Variants in EIF4ENIF1 observed in about 807,000 individuals in gnomAD.
EIF4ENIF1 encodes eukaryotic translation initiation factor 4E nuclear import factor 1.
A neutral mutation model predicts 110.5 loss-of-function variants in EIF4ENIF1; 23 were observed. The ratio of observed to expected loss-of-function variants is 0.21; its 90% CI spans 0.15 to 0.29. The LOEUF (loss-of-function observed/expected upper bound fraction) is 0.29. Among genes scored for constraint, EIF4ENIF1 ranks in the 10% least tolerant of loss-of-function variants. The probability of loss-of-function intolerance (pLI) is 1.00; values close to 1 mark genes in which losing one functional copy is unlikely to be tolerated. For synonymous variants in EIF4ENIF1, 440 were observed against 437.0 expected (o/e 1.01, Z -0.09); for missense variants, 1,031 against 1,221.1 (o/e 0.84, Z 2.32).
At chr22:31,450,841 T>TAACACACACACAC (rs1196724433) in intron 10 of EIF4ENIF1, 2 of 80,212 alleles carry the variant, frequency 2.5e-5, no homozygotes, top group South Asian at 2.6e-4. Context: ...CATATATATA[T>TAACACACACACAC]ACTACACACA....
At position 31,439,798 on chromosome 22, in the gene EIF4ENIF1, C is replaced by A; in HGVS notation, c.*82G>T. Reference sequence around the variant, plus strand: ...ACACAGAGTGCTCCAAAGTAAAAGCCCATAAACCAACCCGAGATGAAGCAG... The same window carrying A: ...ACACAGAGTGCTCCAAAGTAAAAGCACATAAACCAACCCGAGATGAAGCAG... On this transcript the variant is annotated 3_prime_UTR_variant, in exon 19 of 19. Coordinates refer to ENST00000330125, the MANE Select transcript of EIF4ENIF1 (RefSeq NM_019843.4). The A allele has an allele frequency of 6.4e-7, 1 of 1,559,906 alleles. No individual in the cohort carries two copies. The highest frequency in any genetic ancestry group is 2.2e-5 in the East Asian group (1 of 44,648).
At chr22:31,450,438 G>T (rs1432168002) in intron 10 of EIF4ENIF1, 78 bp from the exon 11 acceptor site, 1 of 1,173,328 alleles carries the variant, frequency 8.5e-7, no homozygotes, top group East Asian at 2.4e-5. Context: ...CCACAAGAAA[G>T]CATAAAATAC....
intron 15 of EIF4ENIF1, chr22:31,443,378 GA>G (rs1471737227): frequency 1.4e-5 from 4 of 288,832 alleles, no homozygotes; most frequent in African/African-American, 8.8e-5. Context: ...GCAAGAGAAA[GA>G]ACATGGCCAG....
chr22:31,448,166 G>C lies in EIF4ENIF1; in HGVS notation c.1835C>G (p.Pro612Arg), dbSNP rs1184797614. The C allele has an allele frequency of 6.2e-7, 1 of 1,614,022 alleles. No individual in the cohort carries two copies. Among genetic ancestry groups the C allele is most frequent in the Non-Finnish European group, 8.5e-7 (1 of 1,180,010 alleles). The part of the protein sequence containing the change: ...PFQGMRKPMS[P>R]ITAQMSQLEL... ...GCTCAGCCTGACCTGGGCTGTGATG[G>C]GGCTCATGGGTTTGCGCATGCCTTG... The change falls in exon 13 of 19, where the codon CCC (proline) becomes CGC (arginine). Residue 612 changes from proline (P) to arginine (R), a missense_variant. By Grantham distance (103) the Pro-to-Arg change is moderately radical. Transcript: ENST00000330125.
At position 31,441,854 on chromosome 22, in the gene EIF4ENIF1, T is replaced by G. The variant is rs1273489678; in HGVS notation, c.2471A>C (p.His824Pro). Residue 824 changes from histidine to proline, a missense_variant, in exon 17 of 19, where the codon CAC becomes CCC. His to Pro is a moderately conservative substitution (Grantham distance 77, BLOSUM62 -2). Around this residue, in one of 3 missense-constraint regions of EIF4ENIF1, gnomAD observed 309 missense variants for 299.1 expected, o/e 1.03. Coordinates refer to ENST00000330125, the MANE Select transcript of EIF4ENIF1 (RefSeq NM_019843.4). ...VPHVPMVRPA[H>P]QLHPGLVQRM... ...CTGTACCAACCCTGGGTGAAGCTGG[T>G]GAGCAGGCCTAACCATAGGGACATG... The G allele has an allele frequency of 6.2e-7, 1 of 1,614,112 alleles. No individual in the cohort carries two copies. The highest frequency in any genetic ancestry group is 8.5e-7 in the Non-Finnish European group (1 of 1,180,002).
At chr22:31,437,109 T>G (rs183717332), downstream of EIF4ENIF1, 2 of 152,334 alleles carry the variant, frequency 1.3e-5, no homozygotes, top group South Asian at 2.1e-4. Flanking sequence ...CTCTGTTCAC[T>G]TCATTCCCAC....
downstream of EIF4ENIF1, among the ~76,000 whole-genome samples, chr22:31,438,621 G>GCTAT (rs748690598): frequency 6.6e-5 from 10 of 152,160 alleles, no homozygotes; most frequent in Non-Finnish European, 1.2e-4. Context: ...ACAAGGCTAT[G>GCTAT]CTATCTATAG....
At chr22:31,441,722 T>C (rs1329438814) in intron 17 of EIF4ENIF1, 52 bp downstream of exon 17, 3 of 1,453,560 alleles carry the variant, frequency 2.1e-6, no homozygotes, top group Admixed American at 4.1e-5. Flanking sequence ...GTGCCAACAA[T>C]TGTCCCCTAG....
chr22:31,468,433 C>T lies in EIF4ENIF1; in HGVS notation c.171-131G>A, dbSNP rs111578139. 3.0e-3 allele frequency: 3,916 copies of T among 1,324,790 alleles called. 104 individuals carry two copies. The African/African-American group carries it at 0.049, about 17-fold the overall frequency. 82.1% of individuals were successfully genotyped at this position (1,324,790 alleles called of 1,614,324 possible). ...TTTTTGAGACAGGGTCTCGCTCTGT[C>T]GCCCAGGATGGAGCGCAGTGGCGTG... On this transcript the variant is annotated intron_variant, in intron 3 of 18. Coordinates refer to ENST00000330125, the MANE Select transcript of EIF4ENIF1 (RefSeq NM_019843.4).
intron 9 of EIF4ENIF1, 162 bp from the exon 10 acceptor site, chr22:31,454,538 C>G (rs1569077084): frequency 6.2e-6 from 4 of 640,832 alleles, no homozygotes; most frequent in Non-Finnish European, 8.0e-6. Context: ...CACTTAAAAT[C>G]AAATTGTGTA....
chr22:31,491,187 A>G (rs951636339), upstream of EIF4ENIF1, among the ~76,000 whole-genome samples: 10 of 152,192 alleles, frequency 6.6e-5, no homozygotes, highest in Non-Finnish European at 1.0e-4. Context: ...GGGGCAGTTA[A>G]GATTAAACAG....
Position 31,488,647 on chromosome 22 carries a change from G to C in EIF4ENIF1, c.72C>G (p.Ser24=), listed in dbSNP as rs183076809. The change falls in exon 2 of 19, where the codon TCC becomes TCG. Residue 24 remains serine, a synonymous_variant. Transcript: ENST00000330125. ...AFLDLKKPPA[S]KCPHRYTKEE... ...CTTTTGTATAGCGATGGGGGCATTT[G>C]GAGGCAGGAGGCTTCTTCAGGTCAA... is the stretch of plus-strand genomic sequence containing the variant. 97 of 1,614,040 alleles carry C rather than the reference G, an allele frequency of 6.0e-5. No individual in the cohort carries two copies. In the East Asian group the frequency reaches 1.6e-3, roughly 27 times the overall value.
chr22:31,478,542 G>A (rs2051679845), intron 2 of EIF4ENIF1, among the ~76,000 whole-genome samples: 1 of 140,306 alleles, frequency 7.1e-6, no homozygotes, highest in South Asian at 2.2e-4. Flanking sequence ...AAAATGCTGA[G>A]TGCAGTGGCT....
rs571586789 is a variant in EIF4ENIF1, at chr22:31,462,861, G to A, written c.787+71C>T. On this transcript the variant is annotated intron_variant, in intron 6 of 18. Transcript: ENST00000330125. ...GCCTCCCAAAGTGTTGGGATTACAG[G>A]TGTGAGCCACCACGCCCAGCCTACA... The A allele has an allele frequency of 4.0e-6, 6 of 1,513,178 alleles. No individual in the cohort carries two copies. In the African/African-American group the frequency reaches 5.4e-5, roughly 14 times the overall value. The allele number at this position is 1,513,178 out of a possible 1,614,324, so 93.7% of individuals were successfully genotyped here. A position where few individuals can be genotyped will look rare whatever the true frequency, so the allele number is the denominator to read the frequency against.
rs1569057704 is a variant in EIF4ENIF1, at chr22:31,439,565, C to CATTT, written c.*311_*314dup. The CATTT allele has an allele frequency of 1.9e-5, 7 of 361,874 alleles. No homozygotes were observed. The highest frequency in any genetic ancestry group is 3.0e-5 in the Non-Finnish European group (6 of 196,818). 22.4% of individuals were successfully genotyped at this position (361,874 alleles called of 1,614,324 possible). ...ACAGGTCTGTACATAAGGGTCTATA[C>CATTT]ATTTATTTCCTCAGAACCCTTAGGT... is the stretch of plus-strand genomic sequence containing the variant. On this transcript the variant is annotated 3_prime_UTR_variant, in exon 19 of 19. Transcript: ENST00000330125.
chr22:31,450,176 T>C lies in EIF4ENIF1; in HGVS notation c.1584+113A>G, dbSNP rs544324286. The C allele has an allele frequency of 4.2e-5, 33 of 786,570 alleles. No homozygotes were observed. In the African/African-American group the frequency reaches 4.9e-4, roughly 12 times the overall value. The allele number at this position is 786,570 out of a possible 1,614,324, so 48.7% of individuals were successfully genotyped here. ...TCAGGCAACAATATCACCTCTCTGA[T>C]TGCCAGGCAACACAGATCATTTTCT... On this transcript the variant is annotated intron_variant, in intron 11 of 18. Coordinates refer to ENST00000330125, the MANE Select transcript of EIF4ENIF1 (RefSeq NM_019843.4).
At chr22:31,483,605 G>A (rs971491390) in intron 2 of EIF4ENIF1, among the ~76,000 whole-genome samples, 2 of 152,010 alleles carry the variant, frequency 1.3e-5, no homozygotes, top group Non-Finnish European at 2.9e-5. Context: ...TACTCCCCAA[G>A]TTTCTCCTTT....
Position 31,463,771 on chromosome 22 carries a change from G to A in EIF4ENIF1, c.495C>T (p.Thr165=). 2 of 1,613,616 alleles carry A rather than the reference G, an allele frequency of 1.2e-6. No individual in the cohort carries two copies. The highest frequency in any genetic ancestry group is 1.3e-5 in the African/African-American group (1 of 74,864). The change falls in exon 5 of 19, where the codon ACC becomes ACT. Residue 165 remains threonine, a synonymous_variant. Coordinates refer to ENST00000330125, the MANE Select transcript of EIF4ENIF1 (RefSeq NM_019843.4). ...IGSGRIISAR[T]FEKDHRLSDK... is the part of the protein sequence containing the mutation. ...CGCTAAGACGGTGATCCTTCTCAAA[G>A]GTCCGGGCAGAGATTATCCTCCCAC...
intron 6 of EIF4ENIF1, among the ~76,000 whole-genome samples, chr22:31,460,128 C>A (rs1303503542): frequency 1.3e-5 from 2 of 152,256 alleles, no homozygotes; most frequent in East Asian, 3.9e-4. Flanking sequence ...TTCCAAGTTA[C>A]CTATCAATTT....
Sources: allele counts gnomAD v4.1 joint callset (sites outside exome capture counted in the v4.1 genomes callset), GRCh38; gene constraint gnomAD v4.1.1; regional missense constraint gnomAD v4.1.1; transcripts MANE v1.5; gene names NCBI Gene and HGNC (gene_info 2026-07-23, HGNC 2026-07-21).